CNTN4: variants seen among roughly 807,000 people sequenced by gnomAD.
The protein encoded by CNTN4 is contactin 4.
In CNTN4, 77 loss-of-function variants were observed where a neutral mutation model predicts 122.5. That is an observed-to-expected ratio of 0.63 (90% confidence interval 0.52 to 0.76). The LOEUF is 0.76. CNTN4 is among the 30% of genes least tolerant of loss of function. CNTN4 has a pLI of 0.00. For missense variants in CNTN4, 1,256 were observed against 1,259.1 expected (o/e 1.00, Z 0.04); for synonymous variants, 512 against 447.0 (o/e 1.15, Z -1.83).
At chr3:2,367,843 A>G (rs1207661125) in intron 3 of CNTN4, among the ~76,000 whole-genome samples, 3 of 151,912 alleles carry the variant, frequency 2.0e-5, no homozygotes, top group Non-Finnish European at 2.9e-5. Context: ...ACCCCTAACA[A>G]CGTTCGGACT....
chr3:2,811,497 G>T (rs1301823847), intron 6 of CNTN4, among the ~76,000 whole-genome samples: 1 of 149,906 alleles, frequency 6.7e-6, no homozygotes, highest in East Asian at 2.0e-4. Context: ...GTCTCGCTCT[G>T]TCGCCCAGGC....
intron 4 of CNTN4, among the ~76,000 whole-genome samples, chr3:2,733,530 G>A (rs1464564702): frequency 1.1e-4 from 13 of 114,528 alleles, no homozygotes; most frequent in African/African-American, 5.8e-4. Context: ...GTGCATGTTT[G>A]TGTTTTTTTT....
Position 2,685,043 on chromosome 3 carries a change from A to G in CNTN4, c.56-51172A>G, listed in dbSNP as rs58551960. On this transcript the variant is annotated intron_variant, in intron 4 of 24. Transcript: ENST00000418658. ...TTTACTTAGCGATTAGCTTTTTTTT[A>G]CATGGCAATTAGCTTTGGTCATGTG... Among the ~76,000 whole-genome samples, 227 of 152,306 alleles carry G rather than the reference A, an allele frequency of 1.5e-3. 1 individual carries two copies. The highest frequency in any genetic ancestry group is 5.1e-3 in the African/African-American group (214 of 41,574).
chr3:2,488,143 T>C (rs1221539813), intron 3 of CNTN4, among the ~76,000 whole-genome samples: 1 of 152,220 alleles, frequency 6.6e-6, no homozygotes, highest in Non-Finnish European at 1.5e-5. Flanking sequence ...TCACTTATCC[T>C]TCAAATACAA....
chr3:2,983,413 T>C (rs1694246808), intron 13 of CNTN4, among the ~76,000 whole-genome samples: 2 of 152,008 alleles, frequency 1.3e-5, no homozygotes, highest in Admixed American at 6.6e-5. Context: ...TACTCAGCAG[T>C]TGTCTTAGTC....
chr3:2,243,852 G>C (rs1201999059), intron 2 of CNTN4, among the ~76,000 whole-genome samples: 1 of 152,070 alleles, frequency 6.6e-6, no homozygotes, highest in East Asian at 1.9e-4. Flanking sequence ...AATGGTGTAA[G>C]TTGCCATACT....
At chr3:2,151,510 C>T (rs150725256) in intron 2 of CNTN4, among the ~76,000 whole-genome samples, 1 of 152,022 alleles carries the variant, frequency 6.6e-6, no homozygotes, top group Admixed American at 6.5e-5. Flanking sequence ...CAGGTGCTAT[C>T]CAAGGTGCTT....
chr3:2,951,837 AG>A (rs1179573406), intron 13 of CNTN4, among the ~76,000 whole-genome samples: 2 of 152,250 alleles, frequency 1.3e-5, no homozygotes, highest in Non-Finnish European at 2.9e-5. Flanking sequence ...TATTAAAAAA[AG>A]AAGTTTTGTT....
intron 12 of CNTN4, among the ~76,000 whole-genome samples, chr3:2,911,746 C>T (rs2094302304): frequency 6.6e-6 from 1 of 151,250 alleles, no homozygotes; most frequent in Admixed American, 6.6e-5. Flanking sequence ...GAAAATGAGC[C>T]CAAAGAAATT....
At chr3:2,804,262 C>T (rs1358787704) in intron 6 of CNTN4, among the ~76,000 whole-genome samples, 1 of 152,016 alleles carries the variant, frequency 6.6e-6, no homozygotes, top group Non-Finnish European at 1.5e-5. Context: ...TCTTGTAACT[C>T]TGCATAAACA....
chr3:2,378,872 C>G (rs1161852080), intron 3 of CNTN4, among the ~76,000 whole-genome samples: 1 of 151,974 alleles, frequency 6.6e-6, no homozygotes, highest in African/African-American at 2.4e-5. Flanking sequence ...CTTCCCTTTA[C>G]TACTGGTATT....
chr3:2,765,532 T>C (rs1279892812), intron 6 of CNTN4, among the ~76,000 whole-genome samples: 1 of 152,234 alleles, frequency 6.6e-6, no homozygotes, highest in Non-Finnish European at 1.5e-5. Flanking sequence ...GCTAATCAAA[T>C]ACTGCTCTAC....
rs1300325073 is a variant in CNTN4 at position 2,499,428 on chromosome 3, A to G, written c.-88-71988A>G. Among the ~76,000 whole-genome samples the G allele has an allele frequency of 2.0e-5, 3 of 152,348 alleles. No individual in the cohort carries two copies. The East Asian group carries it at 5.8e-4, about 29-fold the overall frequency. Reference sequence around the variant, plus strand: ...ATGATGGTTGTACAACTCCATTAACATACTAAACAGAATCTATAATTATTG... The same window carrying G: ...ATGATGGTTGTACAACTCCATTAACGTACTAAACAGAATCTATAATTATTG... On this transcript the variant is annotated intron_variant, in intron 3 of 24. Coordinates refer to ENST00000418658, the MANE Select transcript of CNTN4 (RefSeq NM_175607.3).
chr3:2,272,801 C>G (rs2041352984), intron 2 of CNTN4, among the ~76,000 whole-genome samples: 1 of 68,246 alleles, frequency 1.5e-5, no homozygotes, highest in Non-Finnish European at 3.2e-5. Context: ...AGCAGAAACA[C>G]TACAGAGCCT....
chr3:2,361,027 T>C (rs1353855263), intron 3 of CNTN4, among the ~76,000 whole-genome samples: 1 of 152,202 alleles, frequency 6.6e-6, no homozygotes, highest in Non-Finnish European at 1.5e-5. Flanking sequence ...TATTGCACAA[T>C]GTATTGTTGC....
chr3:2,787,298 T>A lies in CNTN4; in HGVS notation c.359-32188T>A, dbSNP rs375735181. On this transcript the variant is annotated intron_variant, in intron 6 of 24. Transcript: ENST00000418658. ...GGCTGAGGCAGGAGAATCACTTGAG[T>A]CCAGGAGGTGGAGGTTGCAGTGAGC... Among the ~76,000 whole-genome samples, 319 of 151,480 alleles carry A rather than the reference T, an allele frequency of 2.1e-3. 3 individuals are homozygous for A. Among genetic ancestry groups the A allele is most frequent in the African/African-American group, 7.6e-3 (315 of 41,320 alleles).
chr3:2,786,516 T>G (rs1431320028), intron 6 of CNTN4, among the ~76,000 whole-genome samples: 1 of 152,162 alleles, frequency 6.6e-6, no homozygotes, highest in Non-Finnish European at 1.5e-5. Flanking sequence ...CCTTCACAAG[T>G]CCTGTGAAGG....
chr3:2,221,650 T>C (rs2039065753), intron 2 of CNTN4, among the ~76,000 whole-genome samples: 1 of 152,104 alleles, frequency 6.6e-6, no homozygotes, highest in African/African-American at 2.4e-5. Context: ...ATATATCTGA[T>C]ATGGGACTTA....
intron 2 of CNTN4, among the ~76,000 whole-genome samples, chr3:2,337,866 G>A (rs917302891): frequency 6.6e-6 from 1 of 152,024 alleles, no homozygotes; most frequent in African/African-American, 2.4e-5. Flanking sequence ...TAGGTAGGCT[G>A]GAGTTGCAAA....
Sources: gnomAD v4.1 joint callset for allele counts (sites outside exome capture counted in the v4.1 genomes callset) on GRCh38, gnomAD v4.1.1 for gene constraint, MANE v1.5 for transcripts, NCBI Gene and HGNC (gene_info 2026-07-23, HGNC 2026-07-21) for gene names.